The following KAZN variants were observed in gnomAD, a reference collection of about 807,000 sequenced individuals.
KAZN encodes the protein kazrin, periplakin interacting protein, also known as kazrin.
A neutral mutation model predicts 87.4 loss-of-function variants in KAZN; 40 were observed. The observed-to-expected ratio is 0.46, with a 90% CI of 0.36 to 0.60. The LOEUF is 0.60. KAZN is among the 20% of genes least tolerant of loss of function. The pLI, the probability that KAZN is intolerant of heterozygous loss-of-function variation, is 0.00. For synonymous variants in KAZN, 466 were observed against 458.3 expected (o/e 1.02, Z -0.22); for missense variants, 898 against 1,073.9 (o/e 0.84, Z 2.29).
chr1:14,475,934 A>G (rs1382029917), intron 2 of KAZN, among the ~76,000 whole-genome samples: 1 of 152,186 alleles, frequency 6.6e-6, no homozygotes, highest in East Asian at 1.9e-4. Flanking sequence ...TATCTTGATA[A>G]ATCCTGATTG....
chr1:15,044,099 G>A lies in KAZN; in HGVS notation c.666G>A (p.Leu222=). ...AGGCCACAGACCACGCCACGGCACT[G>A]CGCTCCCAGCTGGACCTCAAGGACA... The part of the protein sequence containing the change: ...AKEATDHATA[L]RSQLDLKDNR... Residue 222 remains leucine (L), a synonymous_variant, in exon 4 of 15, where the codon CTG becomes CTA. Transcript: ENST00000376030. 1 of 1,612,430 alleles carries A rather than the reference G, an allele frequency of 6.2e-7. No individual in the cohort carries two copies. The highest frequency in any genetic ancestry group is 8.5e-7 in the Non-Finnish European group (1 of 1,179,582).
chr1:14,367,166 T>C (rs1571412462), intron 2 of KAZN, among the ~76,000 whole-genome samples: 1 of 151,844 alleles, frequency 6.6e-6, no homozygotes, highest in African/African-American at 2.4e-5. Context: ...GAGGCGGAGG[T>C]TGCAGTGAAC....
intron 2 of KAZN, among the ~76,000 whole-genome samples, chr1:14,225,963 G>A (rs562702697): frequency 3.3e-5 from 5 of 152,170 alleles, no homozygotes; most frequent in East Asian, 1.9e-4. Flanking sequence ...AAGACTTCAT[G>A]ATGAAGACTC....
At chr1:15,075,439 G>A (rs993376186) in intron 8 of KAZN, among the ~76,000 whole-genome samples, 2 of 152,116 alleles carry the variant, frequency 1.3e-5, no homozygotes, top group Admixed American at 1.3e-4. Flanking sequence ...CCAAACTTAC[G>A]TGACCACAGA....
chr1:14,872,446 T>G lies in KAZN; in HGVS notation c.227-88238T>G, dbSNP rs553126622. 3.8e-4 allele frequency among the ~76,000 whole-genome samples: 58 copies of G among 152,366 alleles called. 1 individual carries two copies. Among genetic ancestry groups the G allele is most frequent in the African/African-American group, 1.3e-3 (55 of 41,604 alleles). On this transcript the variant is annotated intron_variant, in intron 1 of 14. Coordinates refer to ENST00000376030, the MANE Select transcript of KAZN (RefSeq NM_201628.3). ...CACATATGGCTAACAGCAACCATAT[T>G]GTACAGTGCAGTTTTAGATTATTCA... is the stretch of plus-strand genomic sequence containing the variant.
chr1:14,529,585 T>G (rs1266652774), intron 2 of KAZN, among the ~76,000 whole-genome samples: 2 of 151,996 alleles, frequency 1.3e-5, no homozygotes, highest in African/African-American at 4.8e-5. Context: ...TTGAAGCCAG[T>G]GTGGAGAGGA....
chr1:14,177,218 A>G (rs1308406185), intron 1 of KAZN, among the ~76,000 whole-genome samples: 1 of 152,178 alleles, frequency 6.6e-6, no homozygotes, highest in Non-Finnish European at 1.5e-5. Context: ...TTATTGTCAT[A>G]TATTTTACTC....
At chr1:14,981,312 T>A (rs1467919777) in intron 2 of KAZN, among the ~76,000 whole-genome samples, 8 of 152,254 alleles carry the variant, frequency 5.3e-5, no homozygotes, top group Non-Finnish European at 1.0e-4. Flanking sequence ...GTAGCACAGT[T>A]CTGTGCATTA....
At chr1:14,490,050 T>G (rs187069924) in intron 2 of KAZN, among the ~76,000 whole-genome samples, 20 of 152,292 alleles carry the variant, frequency 1.3e-4, no homozygotes, top group African/African-American at 4.8e-4. Context: ...ACCAACAGCC[T>G]GAAGAGGAAG....
intron 13 of KAZN, 77 bp from the exon 14 acceptor site, chr1:15,112,337 GTGTGTGTGTGTGT>G (rs1641663380): frequency 3.6e-5 from 2 of 54,992 alleles, no homozygotes; most frequent in Non-Finnish European, 7.8e-5. Context: ...CAATGTGTGT[GTGTGTGTGTGTGT>G]GTGTGTGTGT....
chr1:14,256,348 A>T (rs1396577210), intron 2 of KAZN, among the ~76,000 whole-genome samples: 3 of 151,586 alleles, frequency 2.0e-5, no homozygotes, highest in South Asian at 2.1e-4. Context: ...CATATTACCC[A>T]CCCCCGCAAC....
chr1:14,159,030 C>T (rs975941828), intron 1 of KAZN, among the ~76,000 whole-genome samples: 4 of 152,068 alleles, frequency 2.6e-5, no homozygotes, highest in Non-Finnish European at 5.9e-5. Flanking sequence ...TGGCCACCAC[C>T]ACTAAGATTG....
chr1:14,104,858 G>A (rs1036905458), intron 1 of KAZN, among the ~76,000 whole-genome samples: 9 of 152,128 alleles, frequency 5.9e-5, no homozygotes, highest in Middle Eastern at 3.4e-3. Flanking sequence ...ATCTACATCC[G>A]TTTTTCTTTT....
intron 1 of KAZN, among the ~76,000 whole-genome samples, chr1:14,957,660 A>G (rs1663297777): frequency 6.6e-6 from 1 of 152,118 alleles, no homozygotes; most frequent in South Asian, 2.1e-4. Context: ...AGACAGGCTG[A>G]TGGGAAGGAA....
rs886310812 is a variant in KAZN at position 15,096,336 on chromosome 1, T to A, written c.1547+1403T>A. ...TTCTTCTTTTCTTTTCATAGATTAC[T>A]TTTGTAGTGGGGGCAAGGGCAGAAA... On this transcript the variant is annotated intron_variant, in intron 10 of 14. Transcript: ENST00000376030. This position sits in a 1 kb window ranked among gnomAD's most constrained non-coding sequence, Gnocchi z 4.5. 3.3e-5 allele frequency among the ~76,000 whole-genome samples: 5 copies of A among 152,268 alleles called. No homozygotes were observed. Among genetic ancestry groups the A allele is most frequent in the African/African-American group, 4.8e-5 (2 of 41,468 alleles).
intron 1 of KAZN, among the ~76,000 whole-genome samples, chr1:13,994,687 C>T (rs1327858661): frequency 1.3e-5 from 2 of 152,086 alleles, no homozygotes; most frequent in African/African-American, 2.4e-5. Flanking sequence ...AACAGCCTGA[C>T]CTATTTGGTG....
chr1:14,360,669 T>A (rs896955273), intron 2 of KAZN, among the ~76,000 whole-genome samples: 1 of 137,898 alleles, frequency 7.3e-6, no homozygotes, highest in African/African-American at 2.7e-5. Flanking sequence ...TTCCTGTTTG[T>A]TAATTTTCCT....
At chr1:14,537,038 GTC>G (rs1672542991) in intron 2 of KAZN, among the ~76,000 whole-genome samples, 1 of 152,200 alleles carries the variant, frequency 6.6e-6, no homozygotes, top group Non-Finnish European at 1.5e-5. Flanking sequence ...CTGTGTCATA[GTC>G]CAGCACTAGC....
intron 1 of KAZN, among the ~76,000 whole-genome samples, chr1:14,611,274 C>G (rs755675293): frequency 6.6e-6 from 1 of 152,208 alleles, no homozygotes; most frequent in Non-Finnish European, 1.5e-5. Context: ...GAACGTTCTT[C>G]TGGGCTTTCC....
Sources: allele counts gnomAD v4.1 joint callset (sites outside exome capture counted in the v4.1 genomes callset), GRCh38; gene constraint gnomAD v4.1.1; non-coding constraint Gnocchi (gnomAD v3.1); transcripts MANE v1.5; gene names NCBI Gene and HGNC (gene_info 2026-07-23, HGNC 2026-07-21).